Variants in DPH6 observed in about 807,000 individuals in gnomAD.
DPH6 encodes diphthamine biosynthesis 6.
In DPH6, 33 loss-of-function variants were observed where a neutral mutation model predicts 38.2. That is an observed-to-expected ratio of 0.86 (90% CI 0.65 to 1.15). The LOEUF is 1.15. Among genes scored for constraint, DPH6 ranks in the 50% most tolerant of loss-of-function variants. DPH6 has a pLI of 0.00. For synonymous variants in DPH6, 108 were observed against 103.0 expected (o/e 1.05, Z -0.30); for missense variants, 325 against 320.0 (o/e 1.02, Z -0.12).
chr15:35,218,984 G>T (rs929653615), exon 4 of DPH6: 1 of 152,132 alleles, frequency 6.6e-6, no homozygotes, highest in African/African-American at 2.4e-5. Context: ...TAGGATTCCA[G>T]AGGCATACAG....
chr15:35,520,544 C>A (rs1353344788), intron 3 of DPH6: 3 of 984,314 alleles, frequency 3.0e-6, no homozygotes, highest in Non-Finnish European at 3.6e-6. Flanking sequence ...ACTTTCAGTA[C>A]ATATATACAA....
At chr15:35,480,846 G>C (rs1048443731) in intron 3 of DPH6, among the ~76,000 whole-genome samples, 3 of 151,720 alleles carry the variant, frequency 2.0e-5, no homozygotes, top group Non-Finnish European at 2.9e-5. Context: ...TCTTTTTATG[G>C]AATATTTCAG....
Position 35,241,677 on chromosome 15 carries a change from T to C in DPH6, n.201-21095A>G, listed in dbSNP as rs2051600529. Among the ~76,000 whole-genome samples the C allele has an allele frequency of 1.4e-5, 2 of 141,702 alleles. 1 individual carries two copies. The highest frequency in any genetic ancestry group is 1.5e-4 in the Admixed American group (2 of 12,976). 93.0% of individuals were successfully genotyped at this position (141,702 alleles called of 152,430 possible). ...CCCACCTTAACCCACAAGTATAAGATACCTCTACTCCCTCCTTGTCGACCG... is the reference window on the plus strand; with the variant it reads ...CCCACCTTAACCCACAAGTATAAGACACCTCTACTCCCTCCTTGTCGACCG... On this transcript the variant is annotated intron_variant and non_coding_transcript_variant, in intron 3 of 3. Coordinates refer to the DPH6 transcript ENST00000560386.
intron 3 of DPH6, among the ~76,000 whole-genome samples, chr15:35,523,605 T>G (rs1273140358): frequency 6.6e-6 from 1 of 152,128 alleles, no homozygotes; most frequent in Non-Finnish European, 1.5e-5. Context: ...GAAAAACTTA[T>G]GATACTAAGC....
intron 3 of DPH6, among the ~76,000 whole-genome samples, chr15:35,364,502 C>A (rs2052640469): frequency 6.6e-6 from 1 of 151,978 alleles, no homozygotes; most frequent in African/African-American, 2.4e-5. Flanking sequence ...TAAATTTTGA[C>A]AAACAGATTA....
intron 3 of DPH6, among the ~76,000 whole-genome samples, chr15:35,482,759 T>A (rs1007408967): frequency 6.6e-6 from 1 of 151,938 alleles, no homozygotes; most frequent in Non-Finnish European, 1.5e-5. Context: ...ACAAAATATT[T>A]AGAACACACT....
Position 35,336,159 on chromosome 15 carries a change from C to T in DPH6, n.208-5082G>A, listed in dbSNP as rs374053663. Among the ~76,000 whole-genome samples, 22 of 152,184 alleles carry T rather than the reference C, an allele frequency of 1.4e-4. 4 individuals carry two copies. Among genetic ancestry groups the T allele is most frequent in the East Asian group, 7.7e-4 (4 of 5,174 alleles). ...TAGCAATTGTGAATGGGAGTTCATT[C>T]AAGATTTAGCTCTCTGCTTGCCTGT... On this transcript the variant is annotated intron_variant and non_coding_transcript_variant, in intron 3 of 3. Transcript: ENST00000558973.
chr15:35,438,176 G>GT (rs1010630309), intron 5 of DPH6, among the ~76,000 whole-genome samples: 1 of 152,098 alleles, frequency 6.6e-6, no homozygotes, highest in Non-Finnish European at 1.5e-5. Flanking sequence ...TCTGGAAAAA[G>GT]TTTTTTTCTC....
intron 3 of DPH6, among the ~76,000 whole-genome samples, chr15:35,462,583 A>T (rs2054078839): frequency 6.6e-6 from 1 of 152,084 alleles, no homozygotes. Context: ...TATGTGGCTT[A>T]TTCCCTCACT....
chr15:35,226,332 A>G (rs1468233236), intron 3 of DPH6, among the ~76,000 whole-genome samples: 2 of 152,122 alleles, frequency 1.3e-5, no homozygotes, highest in African/African-American at 2.4e-5. Flanking sequence ...ACTAATAAAT[A>G]CCTTTACTCA....
At chr15:35,449,357 A>C (rs2053899576) in intron 5 of DPH6, among the ~76,000 whole-genome samples, 1 of 152,098 alleles carries the variant, frequency 6.6e-6, no homozygotes, top group Non-Finnish European at 1.5e-5. Context: ...CACAGATAGA[A>C]ATGAAAGAAC....
chr15:35,209,527 C>T, the DPH6 span, among the ~76,000 whole-genome samples: 4 of 152,026 alleles, frequency 2.6e-5, no homozygotes, highest in Non-Finnish European at 5.9e-5. Flanking sequence ...TTTAAATGTT[C>T]TTGGAGAAAT....
intron 3 of DPH6, among the ~76,000 whole-genome samples, chr15:35,320,877 T>C (rs1162365845): frequency 6.6e-6 from 1 of 152,222 alleles, no homozygotes; most frequent in East Asian, 1.9e-4. Flanking sequence ...TCTCAAAATA[T>C]TCAGTCAGTT....
In DPH6 at chr15:35,237,572, T is replaced by C. The variant is rs1011924167; in HGVS notation, n.201-16990A>G. 46 of 1,568,106 alleles carry C rather than the reference T, an allele frequency of 2.9e-5. 1 individual carries two copies. The highest frequency in any genetic ancestry group is 2.7e-4 in the East Asian group (12 of 44,640). ...CAGAGTCTCGGGGGGCGTGGAAGCA[T>C]TGGCAGAAAAGTGTCCGAACCTCAC... On this transcript the variant is annotated intron_variant and non_coding_transcript_variant, in intron 3 of 3. Coordinates refer to the DPH6 transcript ENST00000560386.
chr15:35,451,054 A>G (rs1433656371), intron 4 of DPH6, among the ~76,000 whole-genome samples: 1 of 152,190 alleles, frequency 6.6e-6, no homozygotes, highest in East Asian at 1.9e-4. Context: ...TAAGACTCTT[A>G]GTTTAGAAAT....
intron 3 of DPH6, chr15:35,299,212 G>T: frequency 7.7e-7 from 1 of 1,297,436 alleles, no homozygotes; most frequent in Non-Finnish European, 1.1e-6. Flanking sequence ...GGATCCTTCA[G>T]CCCAGCTGGC....
chr15:35,265,995 CAGGACACATGTTCTT>C (rs1333708494), intron 3 of DPH6, among the ~76,000 whole-genome samples: 2 of 152,092 alleles, frequency 1.3e-5, no homozygotes, highest in Non-Finnish European at 2.9e-5. Context: ...ACAAGTTCTC[CAGGACACATGTTCTT>C]ACATGTGTCC....
rs377049956 is a variant in DPH6, at chr15:35,314,873, C to A, written n.200+58648G>T. Among the ~76,000 whole-genome samples the A allele has an allele frequency of 6.6e-5, 10 of 152,262 alleles. No homozygotes were observed. The South Asian group carries it at 1.9e-3, about 28-fold the overall frequency. On this transcript the variant is annotated intron_variant and non_coding_transcript_variant, in intron 3 of 3. Coordinates refer to the DPH6 transcript ENST00000560386. ...ATGAAAAGTGGATTTTATACCACAA[C>A]TGGTGATGATCAGCTCAGTGTCTGA...
intron 3 of DPH6, among the ~76,000 whole-genome samples, chr15:35,300,790 G>T (rs2052049333): frequency 6.6e-6 from 1 of 152,074 alleles, no homozygotes; most frequent in Admixed American, 6.6e-5. Context: ...GAGAACTAAA[G>T]AATCCCCCTT....
Sources: gnomAD v4.1 joint callset for allele counts (sites outside exome capture counted in the v4.1 genomes callset) on GRCh38, gnomAD v4.1.1 for gene constraint, MANE v1.5 for transcripts, NCBI Gene and HGNC (gene_info 2026-07-23, HGNC 2026-07-21) for gene names.